NFATC2: variants seen among roughly 807,000 people sequenced by gnomAD.
NFATC2 encodes nuclear factor of activated T-cells, cytoplasmic 2.
In NFATC2, 22 loss-of-function variants were observed where a neutral mutation model predicts 87.3. That is an observed-to-expected ratio of 0.25 (90% CI 0.18 to 0.36). The LOEUF (loss-of-function observed/expected upper bound fraction) is 0.36, where lower values mean the gene tolerates loss of function less well. Ranked by LOEUF, NFATC2 falls within the 10% of genes least tolerant of loss-of-function variation. The pLI, the probability that NFATC2 is intolerant of heterozygous loss-of-function variation, is 1.00. For synonymous variants in NFATC2, 565 were observed against 542.2 expected (o/e 1.04, Z -0.58); for missense variants, 1,149 against 1,259.1 (o/e 0.91, Z 1.32).
intron 9 of NFATC2, among the ~76,000 whole-genome samples, chr20:51,407,511 T>A (rs6067758): frequency 5.3e-5 from 8 of 152,318 alleles, no homozygotes; most frequent in Non-Finnish European, 7.3e-5. Flanking sequence ...CTTCATCTTG[T>A]GGACATCGGG....
intron 6 of NFATC2, chr20:51,452,980 GTTC>G (rs1438098420): frequency 6.5e-6 from 1 of 154,726 alleles, no homozygotes; most frequent in Non-Finnish European, 1.5e-5. Flanking sequence ...TGCCACCTGC[GTTC>G]TTAATGCCTC....
At chr20:51,439,695 T>C (rs538804248) in intron 6 of NFATC2, among the ~76,000 whole-genome samples, 14 of 152,320 alleles carry the variant, frequency 9.2e-5, no homozygotes, top group Admixed American at 9.2e-4. Flanking sequence ...TTCCTGGCCA[T>C]GTCCTGCGGC....
chr20:51,406,476 C>T (rs1325598625), intron 9 of NFATC2, among the ~76,000 whole-genome samples: 1 of 152,196 alleles, frequency 6.6e-6, no homozygotes, highest in Non-Finnish European at 1.5e-5. Context: ...CCCCTCGGGA[C>T]CACTATGCCA....
At chr20:51,521,413 C>G (rs893861335) in intron 2 of NFATC2, among the ~76,000 whole-genome samples, 11 of 152,090 alleles carry the variant, frequency 7.2e-5, no homozygotes, top group Non-Finnish European at 2.9e-5. Context: ...CTCCGCCTCC[C>G]AGGTTCAAGT....
chr20:51,555,514 A>G (rs1482733622), intron 1 of NFATC2, among the ~76,000 whole-genome samples: 1 of 151,922 alleles, frequency 6.6e-6, no homozygotes, highest in Admixed American at 6.6e-5. Context: ...AATGGCGTGA[A>G]TCCGGGAGGC....
At chr20:51,463,027 T>C (rs1392737337) in intron 5 of NFATC2, among the ~76,000 whole-genome samples, 1 of 152,256 alleles carries the variant, frequency 6.6e-6, no homozygotes, top group Non-Finnish European at 1.5e-5. Context: ...AACCCTGGCC[T>C]TGGCGCTCCA....
intron 1 of NFATC2, among the ~76,000 whole-genome samples, chr20:51,536,194 A>T (rs915661363): frequency 1.3e-5 from 2 of 152,212 alleles, no homozygotes; most frequent in Non-Finnish European, 2.9e-5. Context: ...TAATTATATA[A>T]ATATCAACTA....
intron 1 of NFATC2, among the ~76,000 whole-genome samples, chr20:51,561,048 G>A (rs1348414594): frequency 1.3e-5 from 2 of 152,014 alleles, no homozygotes; most frequent in Admixed American, 1.3e-4. Flanking sequence ...CAGTATTTAT[G>A]ACAGTAAAAA....
At chr20:51,476,918 C>T (rs1265921063) in intron 3 of NFATC2, among the ~76,000 whole-genome samples, 2 of 152,146 alleles carry the variant, frequency 1.3e-5, no homozygotes, top group East Asian at 3.8e-4. Context: ...TGTGGGGGAA[C>T]AGGCACTTTT....
chr20:51,489,389 A>G (rs6067797), intron 3 of NFATC2, among the ~76,000 whole-genome samples: 151,086 of 152,294 alleles, frequency 0.99, 74,947 homozygotes, highest in Middle Eastern at 1. Flanking sequence ...GAAGGAACCC[A>G]GATTCCTAAT....
At chr20:51,419,304 T>C (rs554378090) in intron 9 of NFATC2, among the ~76,000 whole-genome samples, 1 of 152,352 alleles carries the variant, frequency 6.6e-6, no homozygotes, top group East Asian at 1.9e-4. Flanking sequence ...ATAAAAACTA[T>C]ACTTCCCAGC....
intron 9 of NFATC2, among the ~76,000 whole-genome samples, chr20:51,413,174 C>T (rs751845484): frequency 3.3e-5 from 5 of 151,740 alleles, no homozygotes; most frequent in East Asian, 1.9e-4. Flanking sequence ...ATTTTCTCAC[C>T]GGCCCAGTGG....
At chr20:51,468,075 G>A (rs1987855852) in intron 5 of NFATC2, among the ~76,000 whole-genome samples, 1 of 152,186 alleles carries the variant, frequency 6.6e-6, no homozygotes, top group Admixed American at 6.5e-5. Context: ...GGTACACACT[G>A]TATTAATTCC....
intron 3 of NFATC2, among the ~76,000 whole-genome samples, chr20:51,512,373 A>C (rs2076285538): frequency 6.6e-6 from 1 of 151,592 alleles, no homozygotes; most frequent in Non-Finnish European, 1.5e-5. Flanking sequence ...TCCCTGACCA[A>C]CTCAAACCAT....
rs749782605 is a variant in NFATC2 at position 51,474,117 on chromosome 20, G to A, written c.1571C>T (p.Ala524Val). 4 of 1,614,182 alleles carry A rather than the reference G, an allele frequency of 2.5e-6. No individual in the cohort carries two copies. Among genetic ancestry groups the A allele is most frequent in the Non-Finnish European group, 3.4e-6 (4 of 1,180,036 alleles). ...DCAGILKLRN[A>V]DIELRKGETD... ...CTCGCCTTTCCGCAGCTCAATGTCG[G>A]CGTTTCTAAGCTTCAAGATCCCCGC... The change falls in exon 5 of 11, where the codon GCC (alanine) becomes GTC (valine). Residue 524 changes from alanine (A) to valine (V), a missense_variant. Physicochemically the swap from Ala to Val is moderately conservative, Grantham distance 64. Transcript: ENST00000371564.
At chr20:51,465,067 C>T (rs1987538641) in intron 5 of NFATC2, among the ~76,000 whole-genome samples, 1 of 152,242 alleles carries the variant, frequency 6.6e-6, no homozygotes, top group Admixed American at 6.5e-5. Context: ...CTACTATGTG[C>T]TAGGCTGTGT....
rs34489487 is a variant in NFATC2, at chr20:51,504,999, C to CTTTTTT, written c.1332+11779_1332+11784dup. 7.0e-4 allele frequency among the ~76,000 whole-genome samples: 51 copies of CTTTTTT among 72,508 alleles called. 9 individuals are homozygous for CTTTTTT. Among genetic ancestry groups the CTTTTTT allele is most frequent in the East Asian group, 3.8e-3 (7 of 1,838 alleles). 47.6% of individuals were successfully genotyped at this position (72,508 alleles called of 152,430 possible). On this transcript the variant is annotated intron_variant, in intron 3 of 10. Transcript: ENST00000371564. ...GGTCATGAAGAGTGCTATCTAGTTC[C>CTTTTTT]TTTTTTTTTTTTTTTTTTTTTTTTT...
chr20:51,436,602 C>T (rs1186296253), intron 6 of NFATC2, among the ~76,000 whole-genome samples: 1 of 151,984 alleles, frequency 6.6e-6, no homozygotes, highest in Non-Finnish European at 1.5e-5. Flanking sequence ...GTAATCCCAG[C>T]TACTTGGGAG....
chr20:51,465,912 A>C (rs1320623032), intron 5 of NFATC2, among the ~76,000 whole-genome samples: 1 of 152,092 alleles, frequency 6.6e-6, no homozygotes, highest in Non-Finnish European at 1.5e-5. Context: ...TGCCAAATGT[A>C]TTTTAAGTTG....
Sources: gnomAD v4.1 joint callset for allele counts (sites outside exome capture counted in the v4.1 genomes callset) on GRCh38, gnomAD v4.1.1 for gene constraint, MANE v1.5 for transcripts, NCBI Gene and HGNC (gene_info 2026-07-23, HGNC 2026-07-21) for gene names.